The following USP13 variants were observed in gnomAD, a reference collection of about 807,000 sequenced individuals.
The protein encoded by USP13 is ubiquitin specific peptidase 13.
A neutral mutation model predicts 107.8 loss-of-function variants in USP13; 68 were observed. That is an observed-to-expected ratio of 0.63 (90% confidence interval 0.52 to 0.77). The LOEUF (loss-of-function observed/expected upper bound fraction) is 0.77, where lower values mean the gene tolerates loss of function less well. USP13 is among the 30% of genes least tolerant of loss of function. USP13 has a pLI of 0.00. For synonymous variants in USP13, 377 were observed against 389.5 expected (o/e 0.97, Z 0.38); for missense variants, 945 against 1,093.3 (o/e 0.86, Z 1.91).
chr3:179,780,888 T>G (rs1333702262), intron 19 of USP13, among the ~76,000 whole-genome samples: 1 of 152,160 alleles, frequency 6.6e-6, no homozygotes, highest in Non-Finnish European at 1.5e-5. Context: ...TTTTCCTTAT[T>G]AAATTCAACA....
chr3:179,671,833 G>A (rs930625236), intron 1 of USP13, among the ~76,000 whole-genome samples: 8 of 152,006 alleles, frequency 5.3e-5, no homozygotes, highest in Non-Finnish European at 8.8e-5. Flanking sequence ...GTGAGTCACC[G>A]TCTTCCCGCG....
rs1481645154 is a variant in USP13, at chr3:179,706,787, A to C, written c.478-147A>C. Reference sequence around the variant, plus strand: ...ACCTAGCTTGATCCAGGGAAAGTGCAGGAAAACAGGATCCCTCTCTTGCGA... The same window carrying C: ...ACCTAGCTTGATCCAGGGAAAGTGCCGGAAAACAGGATCCCTCTCTTGCGA... On this transcript the variant is annotated intron_variant, in intron 4 of 20. Coordinates refer to ENST00000263966, the MANE Select transcript of USP13 (RefSeq NM_003940.3). 3 of 931,258 alleles carry C rather than the reference A, an allele frequency of 3.2e-6. No homozygotes were observed. The African/African-American group carries it at 5.1e-5, about 16-fold the overall frequency. 57.7% of individuals were successfully genotyped at this position (931,258 alleles called of 1,614,324 possible). A position where few individuals can be genotyped will look rare whatever the true frequency, so the allele number is the denominator to read the frequency against.
intron 13 of USP13, among the ~76,000 whole-genome samples, chr3:179,751,056 T>C (rs1339326520): frequency 6.6e-6 from 1 of 152,234 alleles, no homozygotes; most frequent in Non-Finnish European, 1.5e-5. Flanking sequence ...AATTTTTTAT[T>C]TTAAAAGGTA....
Position 179,653,768 on chromosome 3 carries a change from TC to T in USP13, c.168+381del. On this transcript the variant is annotated intron_variant, in intron 1 of 20. Coordinates refer to ENST00000263966, the MANE Select transcript of USP13 (RefSeq NM_003940.3). The surrounding 1 kb of genome is among the most constrained non-coding windows in gnomAD (Gnocchi z 4.0). ...CAGGGCGGGTAGGTGGACGGGATGA[TC>T]CCCCCACACCCCGGGACACACACAG... The T allele has an allele frequency of 1.0e-5, 2 of 195,336 alleles. No homozygotes were observed. The highest frequency in any genetic ancestry group is 2.1e-5 in the Non-Finnish European group (2 of 95,608). 12.1% of individuals were successfully genotyped at this position (195,336 alleles called of 1,614,324 possible). A position where few individuals can be genotyped will look rare whatever the true frequency, so the allele number is the denominator to read the frequency against.
At chr3:179,685,463 G>A (rs1711836331) in intron 2 of USP13, among the ~76,000 whole-genome samples, 1 of 152,070 alleles carries the variant, frequency 6.6e-6, no homozygotes, top group Admixed American at 6.5e-5. Flanking sequence ...GGAAGAGAAT[G>A]AAGAAAGGCC....
intron 8 of USP13, 141 bp from the exon 9 acceptor site, chr3:179,730,048 A>C: frequency 1.4e-6 from 1 of 692,282 alleles, no homozygotes; most frequent in Non-Finnish European, 2.5e-6. Flanking sequence ...TAGGGGTAGA[A>C]TCTCATGAAA....
intron 19 of USP13, among the ~76,000 whole-genome samples, chr3:179,779,055 G>C (rs62291562): frequency 0.032 from 4,908 of 152,172 alleles, 120 homozygotes; most frequent in Admixed American, 0.048. Context: ...GTCAGGGCTT[G>C]CCAAGCATGT....
Position 179,653,545 on chromosome 3 carries a change from T to A in USP13, c.168+152T>A. On this transcript the variant is annotated intron_variant, in intron 1 of 20. Coordinates refer to ENST00000263966, the MANE Select transcript of USP13 (RefSeq NM_003940.3). The surrounding 1 kb of genome is among the most constrained non-coding windows in gnomAD (Gnocchi z 4.0). ...ACACTGCAGTTCGGCAGACACTTAG[T>A]GAGCGCCCCAGGGCTGCTGCAGCCG... The A allele has an allele frequency of 9.4e-7, 1 of 1,067,646 alleles. No individual in the cohort carries two copies. The highest frequency in any genetic ancestry group is 1.3e-6 in the Non-Finnish European group (1 of 758,954). The allele number at this position is 1,067,646 out of a possible 1,614,324, so 66.1% of individuals were successfully genotyped here. A position where few individuals can be genotyped will look rare whatever the true frequency, so the allele number is the denominator to read the frequency against.
At chr3:179,746,753 A>G (rs538237875) in intron 13 of USP13, among the ~76,000 whole-genome samples, 1 of 151,316 alleles carries the variant, frequency 6.6e-6, no homozygotes, top group Admixed American at 6.6e-5. Flanking sequence ...TTTAGTGGAG[A>G]CAGGGTTTCA....
At chr3:179,744,908 G>A (rs1203952790) in intron 12 of USP13, 135 bp from the exon 13 acceptor site, 8 of 1,020,890 alleles carry the variant, frequency 7.8e-6, no homozygotes, top group Non-Finnish European at 1.1e-5. Flanking sequence ...AGGGGCATCT[G>A]GCTCTGTAAA....
chr3:179,704,458 C>T (rs560755060), intron 4 of USP13, among the ~76,000 whole-genome samples: 35 of 152,270 alleles, frequency 2.3e-4, no homozygotes, highest in African/African-American at 5.8e-4. Flanking sequence ...CTTTCCTTCA[C>T]GCCTGCCCTC....
intron 1 of USP13, among the ~76,000 whole-genome samples, chr3:179,661,053 T>G (rs1237129679): frequency 6.6e-6 from 1 of 152,238 alleles, no homozygotes; most frequent in Non-Finnish European, 1.5e-5. Flanking sequence ...TTCTATTGGC[T>G]TTTGAAATGA....
intron 6 of USP13, among the ~76,000 whole-genome samples, chr3:179,709,816 A>G (rs1436938659): frequency 6.6e-6 from 1 of 152,174 alleles, no homozygotes; most frequent in East Asian, 1.9e-4. Context: ...GCTGTGAGGT[A>G]AGATGTTTTT....
chr3:179,759,429 C>T (rs1017057285), intron 16 of USP13, among the ~76,000 whole-genome samples: 5 of 152,136 alleles, frequency 3.3e-5, no homozygotes, highest in Non-Finnish European at 5.9e-5. Flanking sequence ...TTCTTTATTA[C>T]AGAACTTTTG....
At chr3:179,748,256 AC>A (rs1714479020) in intron 13 of USP13, among the ~76,000 whole-genome samples, 1 of 152,050 alleles carries the variant, frequency 6.6e-6, no homozygotes, top group Non-Finnish European at 1.5e-5. Flanking sequence ...GCTATCAAGC[AC>A]CCCCATATTC....
In USP13 at chr3:179,784,054, G is replaced by A. The variant is rs1019163159; in HGVS notation, c.2505G>A (p.Val835=). Residue 835 remains valine (V), a synonymous_variant, in exon 21 of 21, where the codon GTG becomes GTA. Transcript: ENST00000263966. ...ICHIKKEGRW[V]IYNDHKVCAS... ...GCTTCTGTCTTATTTTCAGATGGGT[G>A]ATTTACAATGACCACAAAGTTTGTG... The A allele has an allele frequency of 4.3e-6, 7 of 1,609,610 alleles. No homozygotes were observed. In the African/African-American group the frequency reaches 6.7e-5, roughly 15 times the overall value.
chr3:179,729,581 C>G (rs1713720509), intron 8 of USP13, among the ~76,000 whole-genome samples: 1 of 152,200 alleles, frequency 6.6e-6, no homozygotes, highest in Non-Finnish European at 1.5e-5. Context: ...AAGTAATTCT[C>G]CTGCCTCAGC....
chr3:179,733,933 G>T (rs1489418364), intron 10 of USP13, among the ~76,000 whole-genome samples: 1 of 152,130 alleles, frequency 6.6e-6, no homozygotes, highest in African/African-American at 2.4e-5. Flanking sequence ...TTTGATCACC[G>T]CATTATCCTA....
At position 179,787,669 on chromosome 3, in the gene USP13, A is replaced by G. The variant is rs540986662; in HGVS notation, c.*3528A>G. 3.3e-5 allele frequency: 5 copies of G among 152,134 alleles called. No individual in the cohort carries two copies. The East Asian group carries it at 9.7e-4, about 29-fold the overall frequency. The allele number at this position is 152,134 out of a possible 1,614,324, so 9.4% of individuals were successfully genotyped here. A position where few individuals can be genotyped will look rare whatever the true frequency, so the allele number is the denominator to read the frequency against. ...GCCAAGGCTGGAGTACAGTGGTGCA[A>G]TCTCAGCTCACTGCAGCCTCCTCCC... On this transcript the variant is annotated 3_prime_UTR_variant, in exon 21 of 21. Transcript: ENST00000263966.
Sources: gnomAD v4.1 joint callset for allele counts (sites outside exome capture counted in the v4.1 genomes callset) on GRCh38, gnomAD v4.1.1 for gene constraint, Gnocchi (gnomAD v3.1) non-coding constraint, MANE v1.5 for transcripts, NCBI Gene and HGNC (gene_info 2026-07-23, HGNC 2026-07-21) for gene names.